Variants in DOT1L observed in about 807,000 individuals in gnomAD.
DOT1L encodes the protein DOT1 like histone lysine methyltransferase, also known as histone-lysine N-methyltransferase, H3 lysine-79 specific.
DOT1L carries 33 observed loss-of-function variants against 153.3 expected under a neutral mutation model. That is an observed-to-expected ratio of 0.22 (90% CI 0.16 to 0.29). DOT1L has a LOEUF of 0.29. DOT1L is among the 10% of genes least tolerant of loss of function. DOT1L has a pLI of 1.00. For synonymous variants in DOT1L, 1,135 were observed against 965.1 expected (o/e 1.18, Z -3.26); for missense variants, 1,847 against 2,119.9 (o/e 0.87, Z 2.53).
intron 3 of DOT1L, among the ~76,000 whole-genome samples, chr19:2,187,752 C>A (rs934662574): frequency 6.6e-6 from 1 of 152,094 alleles, no homozygotes; most frequent in Non-Finnish European, 1.5e-5. Context: ...GAAACCCCGT[C>A]TCTACTAAAA....
intron 25 of DOT1L, 24 bp downstream of exon 25, chr19:2,223,510 G>C (rs1192159768): frequency 6.4e-7 from 1 of 1,568,290 alleles, no homozygotes; most frequent in East Asian, 2.4e-5. Flanking sequence ...CCCGGAGGGG[G>C]GCGGGGCCTG....
intron 1 of DOT1L, among the ~76,000 whole-genome samples, chr19:2,179,644 C>T (rs1281641921): frequency 1.3e-5 from 2 of 152,050 alleles, no homozygotes; most frequent in African/African-American, 2.4e-5. Flanking sequence ...CCTGTCTCTA[C>T]CAAAAATACA....
At position 2,229,873 on chromosome 19, in the gene DOT1L, C is replaced by T. The variant is rs1385771114; in HGVS notation, c.*81C>T. 1.6e-5 allele frequency: 26 copies of T among 1,610,006 alleles called. 1 individual carries two copies. The highest frequency in any genetic ancestry group is 8.8e-5 in the South Asian group (8 of 91,010). On this transcript the variant is annotated 3_prime_UTR_variant, in exon 28 of 28. Transcript: ENST00000398665. ...CGCGGCATGGTGCCCGCCGGCCTGC[C>T]GGGCTCCCACCCCTGGACGGCAGAG...
chr19:2,227,989 C>T (rs1045735663), intron 27 of DOT1L: 4 of 1,272,218 alleles, frequency 3.1e-6, no homozygotes, highest in South Asian at 1.3e-5. Flanking sequence ...GTCCTCCACG[C>T]CCCCCCTCCA....
At position 2,226,948 on chromosome 19, in the gene DOT1L, T is replaced by C. The variant is rs2144938080; in HGVS notation, c.4427T>C (p.Leu1476Pro). The C allele has an allele frequency of 6.3e-7, 1 of 1,586,510 alleles. No individual in the cohort carries two copies. Among genetic ancestry groups the C allele is most frequent in the Non-Finnish European group, 8.5e-7 (1 of 1,174,678 alleles). ...TTCCCGCCGGGACCGCAGTTCGCGCTCGGCCCCATGTCCCTGCAGGCCAAC... is the reference window on the plus strand; with the variant it reads ...TTCCCGCCGGGACCGCAGTTCGCGCCCGGCCCCATGTCCCTGCAGGCCAAC... ...GPFPPGPQFA[L>P]GPMSLQANLG... The change falls in exon 27 of 28, where the codon CTC becomes CCC. Residue 1476 changes from leucine (L) to proline (P), a missense_variant. By Grantham distance (98) the Leu-to-Pro change is moderately conservative (BLOSUM62 -3). Transcript: ENST00000398665.
chr19:2,206,650 C>T, intron 9 of DOT1L, 79 bp from the exon 10 acceptor site: 1 of 1,425,714 alleles, frequency 7.0e-7, no homozygotes, highest in Non-Finnish European at 9.9e-7. Context: ...TGTCATTGTT[C>T]CTTCTCTGTC....
intron 8 of DOT1L, among the ~76,000 whole-genome samples, chr19:2,201,758 TGGGCTCGGCCCA>T (rs1293614675): frequency 6.6e-6 from 1 of 152,234 alleles, no homozygotes; most frequent in Non-Finnish European, 1.5e-5. Flanking sequence ...CGTTGACATC[TGGGCTCGGCCCA>T]GGCTCTCACA....
rs1227956971 is a variant in DOT1L, at chr19:2,226,165, G to GC, written c.3662-16dup. 3 of 1,511,278 alleles carry GC rather than the reference G, an allele frequency of 2.0e-6. No individual in the cohort carries two copies. Among genetic ancestry groups the GC allele is most frequent in the Non-Finnish European group, 2.7e-6 (3 of 1,129,344 alleles). 93.6% of individuals were successfully genotyped at this position (1,511,278 alleles called of 1,614,324 possible). ...CAGGTGCTCTGGGCTCACGGCTTCT[G>GC]CCTTTCCTCTTTGCCAGGTGGTGGC... On this transcript the variant is annotated splice_polypyrimidine_tract_variant and intron_variant, in intron 26 of 27. Transcript: ENST00000398665.
In DOT1L at chr19:2,222,617, G is replaced by A. The variant is rs910142103; in HGVS notation, c.3390+58G>A. ...CGGCCTGTGAAAGAAAGACCAGAGG[G>A]AGACCGGGCGCGGTGGCTCACGCCT... On this transcript the variant is annotated intron_variant, in intron 24 of 27. Transcript: ENST00000398665. This position sits in a 1 kb window ranked among gnomAD's most constrained non-coding sequence, Gnocchi z 6.5. The A allele has an allele frequency of 6.2e-6, 9 of 1,460,146 alleles. No individual in the cohort carries two copies. The South Asian group carries it at 9.6e-5, about 16-fold the overall frequency. 90.4% of individuals were successfully genotyped at this position (1,460,146 alleles called of 1,614,324 possible).
At chr19:2,210,892 G>A (rs767753682) in intron 14 of DOT1L, 37 bp downstream of exon 14, 9 of 1,601,140 alleles carry the variant, frequency 5.6e-6, no homozygotes, top group Admixed American at 5.1e-5. Flanking sequence ...CGCTCTCCCC[G>A]AGTGCGGATG....
At chr19:2,169,728 C>T (rs966758716) in intron 1 of DOT1L, among the ~76,000 whole-genome samples, 4 of 152,210 alleles carry the variant, frequency 2.6e-5, no homozygotes, top group African/African-American at 9.7e-5. Context: ...TAATTCGAGC[C>T]TGTGCTCCCA....
intron 26 of DOT1L, among the ~76,000 whole-genome samples, chr19:2,225,952 C>T (rs1043366795): frequency 2.6e-5 from 4 of 152,164 alleles, no homozygotes; most frequent in South Asian, 2.1e-4. Flanking sequence ...CATCCAGTCC[C>T]GTCCCCTGCC....
chr19:2,190,906 A>G lies in DOT1L; in HGVS notation c.265-106A>G. On this transcript the variant is annotated intron_variant, in intron 4 of 27. Transcript: ENST00000398665. This position sits in a 1 kb window ranked among gnomAD's most constrained non-coding sequence, Gnocchi z 4.8. Reference sequence around the variant, plus strand: ...CCACCCTGCAGGGGGACGAGAGGCCATGCAGCCGACTCCCTGCTTCCGCTG... The same window carrying G: ...CCACCCTGCAGGGGGACGAGAGGCCGTGCAGCCGACTCCCTGCTTCCGCTG... 1 of 1,089,760 alleles carries G rather than the reference A, an allele frequency of 9.2e-7. No individual in the cohort carries two copies. Among genetic ancestry groups the G allele is most frequent in the Admixed American group, 2.3e-5 (1 of 43,972 alleles). 67.5% of individuals were successfully genotyped at this position (1,089,760 alleles called of 1,614,324 possible).
intron 25 of DOT1L, among the ~76,000 whole-genome samples, chr19:2,223,832 G>C (rs961511553): frequency 2.4e-4 from 37 of 152,190 alleles, no homozygotes; most frequent in Admixed American, 8.5e-4. Flanking sequence ...AGCTTTATTA[G>C]ATAAAATTCA....
chr19:2,200,967 C>A, intron 8 of DOT1L, among the ~76,000 whole-genome samples: 1 of 137,186 alleles, frequency 7.3e-6, no homozygotes, highest in African/African-American at 3.0e-5. Context: ...CCGCATTCCT[C>A]GTCCTCCCCT....
At chr19:2,181,161 C>T (rs1032371906) in intron 2 of DOT1L, among the ~76,000 whole-genome samples, 4 of 152,332 alleles carry the variant, frequency 2.6e-5, no homozygotes, top group East Asian at 3.9e-4. Context: ...GTCCTGTCCT[C>T]GTAAGCTCCA....
chr19:2,232,100 G>T lies in DOT1L; in HGVS notation c.*2308G>T. On this transcript the variant is annotated 3_prime_UTR_variant, in exon 28 of 28. Coordinates refer to ENST00000398665, the MANE Select transcript of DOT1L (RefSeq NM_032482.3). ...GGAGACTGGGGATCTGGAGCCTGGT[G>T]CTGGCACCTGGCCTGAGTTTCCGTG... is the stretch of plus-strand genomic sequence containing the variant. 4.6e-6 allele frequency: 1 copy of T among 218,422 alleles called. No homozygotes were observed. The highest frequency in any genetic ancestry group is 9.2e-6 in the Non-Finnish European group (1 of 108,692). The allele number at this position is 218,422 out of a possible 1,614,324, so 13.5% of individuals were successfully genotyped here.
In DOT1L at chr19:2,220,756, C is replaced by CA. The variant is rs1250573546; in HGVS notation, c.2806+535dup. Reference sequence around the variant, plus strand: ...TGTGGAAGCCGCAGAGACAGCATGTCAGCGGGCATGGCTGTGTGCCAGCAA... The same window carrying CA: ...TGTGGAAGCCGCAGAGACAGCATGTCAAGCGGGCATGGCTGTGTGCCAGCAA... On this transcript the variant is annotated intron_variant, in intron 23 of 27. Coordinates refer to ENST00000398665, the MANE Select transcript of DOT1L (RefSeq NM_032482.3). The surrounding 1 kb of genome is among the most constrained non-coding windows in gnomAD (Gnocchi z 4.5). The CA allele has an allele frequency of 2.9e-6, 1 of 350,216 alleles. No homozygotes were observed. Among genetic ancestry groups the CA allele is most frequent in the African/African-American group, 2.1e-5 (1 of 46,590 alleles). The allele number at this position is 350,216 out of a possible 1,614,324, so 21.7% of individuals were successfully genotyped here.
intron 20 of DOT1L, 55 bp downstream of exon 20, chr19:2,216,820 G>T: frequency 6.4e-7 from 1 of 1,557,520 alleles, no homozygotes; most frequent in South Asian, 1.2e-5. Flanking sequence ...GACTCTGCCT[G>T]GTGTGCTCAG....
Sources: allele counts gnomAD v4.1 joint callset (sites outside exome capture counted in the v4.1 genomes callset), GRCh38; gene constraint gnomAD v4.1.1; non-coding constraint Gnocchi (gnomAD v3.1); transcripts MANE v1.5; gene names NCBI Gene and HGNC (gene_info 2026-07-23, HGNC 2026-07-21).